Variants in LHFPL2 observed in about 807,000 individuals in gnomAD.
The protein encoded by LHFPL2 is LHFPL tetraspan subfamily member 2 protein.
Under a neutral mutation model 17.5 loss-of-function variants are expected in LHFPL2, and 7 were observed. The observed-to-expected ratio is 0.40, with a 90% CI of 0.23 to 0.75. The LOEUF is 0.75. Ranked by LOEUF, LHFPL2 falls within the 30% of genes least tolerant of loss-of-function variation. LHFPL2 has a pLI of 0.37. For missense variants in LHFPL2, 241 were observed against 294.8 expected, an observed-to-expected ratio of 0.82 and a Z score of 1.34; for synonymous variants, 134 against 116.2, an observed-to-expected ratio of 1.15 and a Z score of -0.99.
At chr5:78,646,744 C>T (rs1257885436) in intron 1 of LHFPL2, among the ~76,000 whole-genome samples, 1 of 152,210 alleles carries the variant, frequency 6.6e-6, no homozygotes, top group Admixed American at 6.5e-5. Context: ...GTGCCATCAA[C>T]ACCGAGCCCA....
At chr5:78,515,781 A>T (rs1755273792) in intron 3 of LHFPL2, among the ~76,000 whole-genome samples, 1 of 152,188 alleles carries the variant, frequency 6.6e-6, no homozygotes, top group South Asian at 2.1e-4. Flanking sequence ...CAGAAAGGCC[A>T]CTGTGAGGCA....
intron 2 of LHFPL2, among the ~76,000 whole-genome samples, chr5:78,630,429 TCTTAG>T (rs1204447678): frequency 6.6e-6 from 1 of 152,152 alleles, no homozygotes; most frequent in East Asian, 1.9e-4. Context: ...CAATGTATTT[TCTTAG>T]CTTATTTTTC....
intron 4 of LHFPL2, among the ~76,000 whole-genome samples, chr5:78,502,807 G>T (rs1754813009): frequency 6.6e-6 from 1 of 152,176 alleles, no homozygotes; most frequent in East Asian, 1.9e-4. Context: ...AGCAAACCAG[G>T]TGCTGTCTTT....
intron 2 of LHFPL2, among the ~76,000 whole-genome samples, chr5:78,610,248 C>T (rs1003968384): frequency 1.1e-4 from 17 of 152,336 alleles, no homozygotes; most frequent in African/African-American, 4.1e-4. Context: ...GGCAGGAATG[C>T]AGGGTCCTCA....
At chr5:78,583,670 T>C (rs1186557218) in intron 2 of LHFPL2, among the ~76,000 whole-genome samples, 2 of 142,450 alleles carry the variant, frequency 1.4e-5, no homozygotes, top group Non-Finnish European at 3.1e-5. Flanking sequence ...TCTGATGGGC[T>C]TCCCTTTGAG....
chr5:78,560,060 A>G (rs1033907172), intron 3 of LHFPL2, among the ~76,000 whole-genome samples: 3 of 152,206 alleles, frequency 2.0e-5, no homozygotes, highest in Admixed American at 2.0e-4. Flanking sequence ...CAATCAAAGA[A>G]TTTTAACAAG....
At chr5:78,576,282 G>C (rs1236680373) in intron 2 of LHFPL2, among the ~76,000 whole-genome samples, 1 of 148,696 alleles carries the variant, frequency 6.7e-6, no homozygotes, top group African/African-American at 2.5e-5. Context: ...GCAACAGAGC[G>C]AGACTCCATC....
At chr5:78,522,571 GC>G (rs980679449) in intron 3 of LHFPL2, among the ~76,000 whole-genome samples, 1 of 152,160 alleles carries the variant, frequency 6.6e-6, no homozygotes, top group African/African-American at 2.4e-5. Flanking sequence ...ATTGAACCAA[GC>G]ACTGAAGTTC....
At chr5:78,590,463 A>T (rs531755396) in intron 2 of LHFPL2, among the ~76,000 whole-genome samples, 1 of 152,288 alleles carries the variant, frequency 6.6e-6, no homozygotes, top group Admixed American at 6.5e-5. Context: ...ACTAATAAAT[A>T]CTATAAGTAA....
At chr5:78,522,817 T>A (rs938861527) in intron 3 of LHFPL2, among the ~76,000 whole-genome samples, 4 of 152,098 alleles carry the variant, frequency 2.6e-5, no homozygotes, top group African/African-American at 9.7e-5. Flanking sequence ...AGTGCCCTGA[T>A]GTGGGTAGGG....
At chr5:78,577,824 T>C (rs1757170632) in intron 2 of LHFPL2, among the ~76,000 whole-genome samples, 1 of 151,956 alleles carries the variant, frequency 6.6e-6, no homozygotes, top group South Asian at 2.1e-4. Flanking sequence ...TAGACTCCCC[T>C]AAGCAATATC....
chr5:78,601,734 A>G (rs1355769579), intron 2 of LHFPL2, among the ~76,000 whole-genome samples: 1 of 152,148 alleles, frequency 6.6e-6, no homozygotes, highest in Non-Finnish European at 1.5e-5. Flanking sequence ...CGTGCTGCAG[A>G]AAGAAGAGAA....
chr5:78,493,912 A>T (rs1335659774), intron 4 of LHFPL2, among the ~76,000 whole-genome samples: 1 of 152,324 alleles, frequency 6.6e-6, no homozygotes, highest in South Asian at 2.1e-4. Context: ...TCTGATACTC[A>T]ATTTGGAGTA....
At chr5:78,526,121 C>T (rs749193488) in intron 3 of LHFPL2, among the ~76,000 whole-genome samples, 1 of 152,122 alleles carries the variant, frequency 6.6e-6, no homozygotes, top group Non-Finnish European at 1.5e-5. Flanking sequence ...CTTCTGCTGG[C>T]CTCTGTAGCC....
At chr5:78,557,259 AAT>A (rs1756596178) in intron 3 of LHFPL2, among the ~76,000 whole-genome samples, 1 of 152,208 alleles carries the variant, frequency 6.6e-6, no homozygotes, top group Non-Finnish European at 1.5e-5. Flanking sequence ...GGTTTGCCCC[AAT>A]GACTTTCTCT....
chr5:78,502,839 T>C (rs1206248589), intron 4 of LHFPL2, among the ~76,000 whole-genome samples: 1 of 152,242 alleles, frequency 6.6e-6, no homozygotes, highest in African/African-American at 2.4e-5. Flanking sequence ...TCCCTGAACG[T>C]GGCCTCTGTC....
chr5:78,512,772 T>C (rs982011457), intron 3 of LHFPL2, among the ~76,000 whole-genome samples: 7 of 151,228 alleles, frequency 4.6e-5, no homozygotes, highest in Admixed American at 1.3e-4. Flanking sequence ...CTTTTCTTTT[T>C]TTTTTTTTTT....
At chr5:78,632,421 T>G (rs774730668) in intron 1 of LHFPL2, 53 bp from the exon 2 acceptor site, 2 of 152,216 alleles carry the variant, frequency 1.3e-5, no homozygotes, top group African/African-American at 2.4e-5. Flanking sequence ...GTAGCCAGTC[T>G]TTCGATGGTT....
chr5:78,499,505 G>A (rs1460258926), intron 4 of LHFPL2, among the ~76,000 whole-genome samples: 7 of 152,220 alleles, frequency 4.6e-5, no homozygotes, highest in African/African-American at 1.4e-4. Context: ...TGGCTCCAGA[G>A]TCCACTTCCT....
Sources: allele counts gnomAD v4.1 joint callset (sites outside exome capture counted in the v4.1 genomes callset), GRCh38; gene constraint gnomAD v4.1.1; transcripts MANE v1.5; gene names NCBI Gene and HGNC (gene_info 2026-07-23, HGNC 2026-07-21).